PIK3R1: variants seen among roughly 807,000 people sequenced by gnomAD.
PIK3R1 encodes phosphatidylinositol 3-kinase regulatory subunit alpha.
Under a neutral mutation model 98.0 loss-of-function variants are expected in PIK3R1, and 29 were observed. The ratio of observed to expected loss-of-function variants is 0.30; its 90% CI spans 0.22 to 0.40. The LOEUF (loss-of-function observed/expected upper bound fraction) is 0.40, where lower values mean the gene tolerates loss of function less well. Among genes scored for constraint, PIK3R1 ranks in the 10% least tolerant of loss-of-function variants. PIK3R1 has a pLI of 1.00. For missense variants in PIK3R1, 596 were observed against 872.7 expected (o/e 0.68, Z 3.99); for synonymous variants, 282 against 311.8 (o/e 0.90, Z 1.01).
At chr5:68,293,897 G>GA (rs1747541270) in intron 11 of PIK3R1, 63 bp downstream of exon 11, 6 of 1,294,888 alleles carry the variant, frequency 4.6e-6, no homozygotes, top group Non-Finnish European at 5.4e-6. Flanking sequence ...GACTAACATG[G>GA]AAAAAAGAAT....
At chr5:68,233,367 A>G (rs1327317646) in intron 2 of PIK3R1, among the ~76,000 whole-genome samples, 1 of 152,240 alleles carries the variant, frequency 6.6e-6, no homozygotes, top group East Asian at 1.9e-4. Context: ...AATGAGGAGC[A>G]TAATTGCATG....
At position 68,244,512 on chromosome 5, in the gene PIK3R1, ACCGCCCCCCCGCCCCCCGC is replaced by A. The variant is rs1447052447; in HGVS notation, c.334+17505_334+17523del. Among the ~76,000 whole-genome samples the A allele has an allele frequency of 1.1e-3, 24 of 20,960 alleles. 2 individuals are homozygous for A. The highest frequency in any genetic ancestry group is 0.011 in the African/African-American group (23 of 2,076). 13.8% of individuals were successfully genotyped at this position (20,960 alleles called of 152,430 possible). On this transcript the variant is annotated intron_variant, in intron 2 of 15. Coordinates refer to ENST00000521381, the MANE Select transcript of PIK3R1 (RefSeq NM_181523.3). ...TTTTAGGGCCGCCTATTTCTCTAGG[ACCGCCCCCCCGCCCCCCGC>A]CGCCGCTTCAGAGAGCTTTTCTCTT...
chr5:68,295,120 A>C (rs1747635104), intron 12 of PIK3R1, 28 bp from the exon 13 acceptor site: 2 of 1,602,212 alleles, frequency 1.2e-6, no homozygotes, highest in Non-Finnish European at 1.7e-6. Flanking sequence ...TACCCAGATA[A>C]TAACAAATAC....
chr5:68,220,066 T>C (rs921003), intron 1 of PIK3R1, among the ~76,000 whole-genome samples: 34,570 of 152,002 alleles, frequency 0.23, 4,560 homozygotes, highest in African/African-American at 0.36. Context: ...TATTATCAAG[T>C]ATGGAGCGAA....
At chr5:68,272,156 G>C (rs7713756) in intron 2 of PIK3R1, among the ~76,000 whole-genome samples, 8 of 151,300 alleles carry the variant, frequency 5.3e-5, no homozygotes, top group Non-Finnish European at 1.0e-4. Flanking sequence ...AGGAGGCTGG[G>C]GGGGGAGGAT....
At chr5:68,235,396 GTC>G (rs1744626687) in intron 2 of PIK3R1, among the ~76,000 whole-genome samples, 1 of 139,262 alleles carries the variant, frequency 7.2e-6, no homozygotes, top group African/African-American at 2.7e-5. Context: ...GAGTGAAAGT[GTC>G]TCAAAATAAA....
At chr5:68,279,772 A>C (rs141409219) in intron 5 of PIK3R1, 39 bp downstream of exon 5, 3 of 1,602,138 alleles carry the variant, frequency 1.9e-6, no homozygotes, top group South Asian at 2.2e-5. Context: ...TTGAACATAC[A>C]TGGAGATGTA....
At chr5:68,292,037 GCTCT>G in intron 7 of PIK3R1, 1 of 376,074 alleles carries the variant, frequency 2.7e-6, no homozygotes. Context: ...AGTTTCTAAG[GCTCT>G]CTCTCTTTTC....
In PIK3R1 at chr5:68,273,461, G is replaced by C. The variant is rs539374043; in HGVS notation, c.406G>C (p.Val136Leu). The change falls in exon 3 of 16, where the codon GTG becomes CTG. Residue 136 changes from valine to leucine, a missense_variant. Val to Leu is a conservative substitution (Grantham distance 32). Coordinates refer to ENST00000521381, the MANE Select transcript of PIK3R1 (RefSeq NM_181523.3). ...TGCCCCGCCTCTTCTTATCAAGCTC[G>C]TGGAAGCCATTGAAAAGAAAGGTAA... ...DIAPPLLIKL[V>L]EAIEKKGLEC... The C allele has an allele frequency of 1.9e-5, 31 of 1,613,824 alleles. No individual in the cohort carries two copies. The Middle Eastern group carries it at 6.6e-4, about 34-fold the overall frequency.
intron 2 of PIK3R1, among the ~76,000 whole-genome samples, chr5:68,228,513 C>G (rs1157160855): frequency 1.3e-5 from 2 of 152,172 alleles, no homozygotes; most frequent in Non-Finnish European, 2.9e-5. Context: ...AACCATGACT[C>G]TCCGCACATA....
chr5:68,267,156 G>A (rs1384772021), intron 2 of PIK3R1, among the ~76,000 whole-genome samples: 5 of 152,230 alleles, frequency 3.3e-5, no homozygotes, highest in Middle Eastern at 6.8e-3. Flanking sequence ...GCTGTACACC[G>A]TAAATTGTAA....
intron 2 of PIK3R1, among the ~76,000 whole-genome samples, chr5:68,257,226 C>T (rs1285192903): frequency 6.6e-6 from 1 of 152,212 alleles, no homozygotes; most frequent in African/African-American, 2.4e-5. Context: ...GCTGCTCCAT[C>T]CAGAGGAAGA....
intron 15 of PIK3R1, 42 bp from the exon 16 acceptor site, chr5:68,297,370 T>G (rs1454989915): frequency 6.6e-7 from 1 of 1,513,064 alleles, no homozygotes; most frequent in East Asian, 2.3e-5. Context: ...GTGAATTGTC[T>G]TGGACAAGCT....
chr5:68,276,655 TAGAG>T (rs1253684995), intron 4 of PIK3R1, among the ~76,000 whole-genome samples: 4 of 152,208 alleles, frequency 2.6e-5, no homozygotes, highest in Non-Finnish European at 1.5e-5. Context: ...AAAGGATTCT[TAGAG>T]AGCAGAAGTC....
chr5:68,251,111 C>T (rs1043970524), intron 2 of PIK3R1, among the ~76,000 whole-genome samples: 5 of 152,120 alleles, frequency 3.3e-5, no homozygotes, highest in African/African-American at 7.2e-5. Context: ...TTACTGCCAC[C>T]GCTTTCTGAT....
At position 68,293,448 on chromosome 5, in the gene PIK3R1, G is replaced by A. The variant is rs2112259547; in HGVS notation, c.1264G>A (p.Val422Met). The change falls in exon 10 of 16, where the codon GTG becomes ATG. Residue 422 changes from valine (V) to methionine (M), a missense_variant. This residue lies in a region of PIK3R1 where 37 missense variants were observed against 118.0 expected (regional missense o/e 0.31). Coordinates refer to ENST00000521381, the MANE Select transcript of PIK3R1 (RefSeq NM_181523.3). ...AGCTCAGTATAATCCCAAATTGGATGTGAAATTACTTTATCCAGTATCCAA... is the reference window on the plus strand; with the variant it reads ...AGCTCAGTATAATCCCAAATTGGATATGAAATTACTTTATCCAGTATCCAA... ...SLAQYNPKLD[V>M]KLLYPVSKYQ... 2 of 1,612,570 alleles carry A rather than the reference G, an allele frequency of 1.2e-6. No homozygotes were observed. Among genetic ancestry groups the A allele is most frequent in the Non-Finnish European group, 1.7e-6 (2 of 1,179,108 alleles).
At chr5:68,234,175 C>A (rs1284232950) in intron 2 of PIK3R1, among the ~76,000 whole-genome samples, 1 of 152,202 alleles carries the variant, frequency 6.6e-6, no homozygotes, top group African/African-American at 2.4e-5. Context: ...CGTTCTAGTT[C>A]CAGTGTTCTC....
At chr5:68,216,123 C>G (rs567776444) in intron 1 of PIK3R1, among the ~76,000 whole-genome samples, 174 bp downstream of exon 1, 1 of 152,076 alleles carries the variant, frequency 6.6e-6, no homozygotes, top group Non-Finnish European at 1.5e-5. Context: ...CATCTCCTGG[C>G]CGCCGGGCAG....
At chr5:68,288,327 A>G in intron 7 of PIK3R1, 1 of 800,178 alleles carries the variant, frequency 1.2e-6, no homozygotes, top group Non-Finnish European at 1.6e-6. Context: ...TCCCTAGCTC[A>G]GCAAATATTT....
Sources: allele counts gnomAD v4.1 joint callset (sites outside exome capture counted in the v4.1 genomes callset), GRCh38; gene constraint gnomAD v4.1.1; regional missense constraint gnomAD v4.1.1; transcripts MANE v1.5; gene names NCBI Gene and HGNC (gene_info 2026-07-23, HGNC 2026-07-21).